Variants in RBM39 observed in about 807,000 individuals in gnomAD.
RBM39 encodes the protein RNA binding motif protein 39.
In RBM39, 12 loss-of-function variants were observed where a neutral mutation model predicts 79.6. The ratio of observed to expected loss-of-function variants is 0.15; its 90% CI spans 0.10 to 0.24. The LOEUF is 0.24. RBM39 is among the 10% of genes least tolerant of loss of function. RBM39 has a pLI of 1.00. For synonymous variants in RBM39, 185 were observed against 208.4 expected, an observed-to-expected ratio of 0.89 and a Z score of 0.97; for missense variants, 243 against 653.4, an observed-to-expected ratio of 0.37 and a Z score of 6.85.
At chr20:35,715,285 C>T (rs2036966408) in intron 10 of RBM39, among the ~76,000 whole-genome samples, 1 of 152,150 alleles carries the variant, frequency 6.6e-6, no homozygotes, top group Non-Finnish European at 1.5e-5. Flanking sequence ...TTAGGCAATT[C>T]TTCCTCATCC....
chr20:35,707,981 TAACA>T (rs763600670), intron 13 of RBM39: 39 of 444,476 alleles, frequency 8.8e-5, no homozygotes, highest in Non-Finnish European at 1.7e-4. Context: ...CAAAACATAA[TAACA>T]AACAAAGCTA....
chr20:35,734,329 C>A, intron 3 of RBM39: 2 of 851,402 alleles, frequency 2.3e-6, no homozygotes, highest in African/African-American at 1.8e-5. Context: ...GAAAATTAGG[C>A]TACACTCATT....
intron 8 of RBM39, among the ~76,000 whole-genome samples, chr20:35,722,420 A>AT (rs984820120): frequency 1.8e-5 from 2 of 112,708 alleles, no homozygotes; most frequent in Non-Finnish European, 3.7e-5. Flanking sequence ...AAAAATAAAA[A>AT]TAAAAAAAAA....
intron 6 of RBM39, among the ~76,000 whole-genome samples, chr20:35,726,740 G>A (rs963401197): frequency 4.6e-5 from 7 of 152,176 alleles, no homozygotes; most frequent in African/African-American, 1.4e-4. Context: ...TAAGATGTAA[G>A]CCTAAACACG....
At chr20:35,718,581 G>A (rs1321614082) in intron 9 of RBM39, among the ~76,000 whole-genome samples, 2 of 151,922 alleles carry the variant, frequency 1.3e-5, no homozygotes, top group Non-Finnish European at 2.9e-5. Context: ...GGAGGCCGAG[G>A]AGGGCGAATC....
intron 2 of RBM39, 107 bp downstream of exon 2, chr20:35,740,717 G>A (rs2040409170): frequency 7.5e-7 from 1 of 1,331,300 alleles, no homozygotes; most frequent in South Asian, 1.2e-5. Flanking sequence ...TCTCTGATAA[G>A]ATAAATCAAG....
chr20:35,716,623 GAAGGCT>G, intron 10 of RBM39, 111 bp downstream of exon 10: 1 of 710,846 alleles, frequency 1.4e-6, no homozygotes, highest in Non-Finnish European at 2.4e-6. Flanking sequence ...CAGCAGTTTG[GAAGGCT>G]AAGGTGGGAC....
In RBM39 at chr20:35,704,764, AAAAAGGT is replaced by A; in HGVS notation, c.1414-25_1414-19del. Reference sequence around the variant, plus strand: ...ACATTGCCCTACAGAAAAAATGAAAAAAAAGGTAAAGATGTTGCTGTATGCAAAATGG... The same window carrying A: ...ACATTGCCCTACAGAAAAAATGAAAAAAAGATGTTGCTGTATGCAAAATGG... On this transcript the variant is annotated intron_variant, in intron 15 of 16. Coordinates refer to ENST00000253363, the MANE Select transcript of RBM39 (RefSeq NM_184234.3). 6.2e-7 allele frequency: 1 copy of A among 1,607,834 alleles called. No homozygotes were observed. Among genetic ancestry groups the A allele is most frequent in the South Asian group, 1.1e-5 (1 of 90,062 alleles).
chr20:35,733,914 CTG>C (rs1185316184), intron 3 of RBM39, among the ~76,000 whole-genome samples: 3 of 152,216 alleles, frequency 2.0e-5, no homozygotes, highest in Non-Finnish European at 4.4e-5. Context: ...ATCTATACCT[CTG>C]TGTCATCACC....
At chr20:35,716,632 G>A (rs1414267421) in intron 10 of RBM39, 108 bp downstream of exon 10, 1 of 735,822 alleles carries the variant, frequency 1.4e-6, no homozygotes, top group Middle Eastern at 3.5e-4. Context: ...GGAAGGCTAA[G>A]GTGGGACATC....
rs187695667 is a variant in RBM39, at chr20:35,709,184, T to C, written c.1225+40A>G. ...ACTGTCTTACTACATTTAATTCTAT[T>C]TCAAAGACAAAAATAAAAAATATGA... On this transcript the variant is annotated intron_variant, in intron 13 of 16. Coordinates refer to ENST00000253363, the MANE Select transcript of RBM39 (RefSeq NM_184234.3). The C allele has an allele frequency of 5.2e-6, 8 of 1,537,146 alleles. No homozygotes were observed. The African/African-American group carries it at 6.9e-5, about 13-fold the overall frequency.
chr20:35,720,622 T>G (rs2037787208), intron 9 of RBM39, among the ~76,000 whole-genome samples: 1 of 146,868 alleles, frequency 6.8e-6, no homozygotes, highest in Admixed American at 6.8e-5. Flanking sequence ...AAAAAAAAAA[T>G]TAGTCGAGCA....
intron 10 of RBM39, among the ~76,000 whole-genome samples, chr20:35,715,421 C>T (rs909332180): frequency 3.3e-5 from 5 of 152,196 alleles, no homozygotes; most frequent in East Asian, 3.9e-4. Context: ...GGTGATCTAC[C>T]GCTCTCAGCC....
chr20:35,728,168 C>A (rs1245075080), intron 6 of RBM39, among the ~76,000 whole-genome samples: 2 of 152,178 alleles, frequency 1.3e-5, no homozygotes, highest in African/African-American at 4.8e-5. Context: ...ATCACTAAGA[C>A]TTCTGAGATG....
intron 5 of RBM39, 22 bp from the exon 6 acceptor site, chr20:35,729,387 G>T: frequency 6.2e-7 from 1 of 1,604,394 alleles, no homozygotes; most frequent in Non-Finnish European, 8.5e-7. Context: ...AAAAGTTTCA[G>T]AAGTTATCCA....
chr20:35,713,233 A>C, intron 11 of RBM39, 137 bp from the exon 12 acceptor site: 2 of 652,658 alleles, frequency 3.1e-6, no homozygotes, highest in South Asian at 4.4e-5. Context: ...CCTGTAACTT[A>C]GCTAGCACTC....
intron 3 of RBM39, among the ~76,000 whole-genome samples, chr20:35,736,074 C>T (rs992268143): frequency 6.6e-6 from 1 of 151,922 alleles, no homozygotes; most frequent in Non-Finnish European, 1.5e-5. Context: ...TCTTATCCTT[C>T]TGGCACTTGA....
intron 2 of RBM39, 156 bp from the exon 3 acceptor site, chr20:35,739,173 G>A: frequency 2.9e-6 from 2 of 700,066 alleles, no homozygotes; most frequent in Non-Finnish European, 2.5e-6. Context: ...AAATTTAGAT[G>A]GGTATGTGTT....
intron 3 of RBM39, chr20:35,736,598 A>C: frequency 2.1e-6 from 1 of 469,554 alleles, no homozygotes; most frequent in Non-Finnish European, 4.4e-6. Context: ...AAAGAAATCA[A>C]ATAAATGGCT....
Sources: allele counts gnomAD v4.1 joint callset (sites outside exome capture counted in the v4.1 genomes callset), GRCh38; gene constraint gnomAD v4.1.1; transcripts MANE v1.5; gene names NCBI Gene and HGNC (gene_info 2026-07-23, HGNC 2026-07-21).